Variants in CCDC148 observed in about 807,000 individuals in gnomAD.
CCDC148 encodes coiled-coil domain-containing protein 148.
A neutral mutation model predicts 85.7 loss-of-function variants in CCDC148; 89 were observed. That is an observed-to-expected ratio of 1.04 (90% confidence interval 0.87 to 1.24). The LOEUF is 1.24. CCDC148 is among the 50% of genes most tolerant of loss of function. The pLI is 0.00. For missense variants in CCDC148, 692 were observed against 671.7 expected (o/e 1.03, Z -0.33); for synonymous variants, 230 against 213.9 (o/e 1.08, Z -0.66).
chr2:158,237,325 G>C (rs2105318133), intron 10 of CCDC148, among the ~76,000 whole-genome samples: 1 of 152,246 alleles, frequency 6.6e-6, no homozygotes, highest in African/African-American at 2.4e-5. Context: ...CTGCAGAGCA[G>C]TGACATGATC....
At chr2:158,362,925 C>A (rs1489992583) in intron 1 of CCDC148, among the ~76,000 whole-genome samples, 1 of 151,830 alleles carries the variant, frequency 6.6e-6, no homozygotes, top group Non-Finnish European at 1.5e-5. Context: ...GCTAGCCAGA[C>A]TAATAAAGAA....
chr2:158,269,553 T>C (rs1252116730), intron 9 of CCDC148, among the ~76,000 whole-genome samples: 1 of 152,188 alleles, frequency 6.6e-6, no homozygotes, highest in African/African-American at 2.4e-5. Flanking sequence ...TATACCCTAT[T>C]GGTCAACCCT....
intron 2 of CCDC148, 99 bp from the exon 3 acceptor site, chr2:158,345,417 T>C (rs1249616968): frequency 6.5e-6 from 5 of 768,192 alleles, no homozygotes. Context: ...TTAAATAGTT[T>C]CTCTTTTAAA....
At chr2:158,390,269 C>G (rs1011139907) in intron 1 of CCDC148, among the ~76,000 whole-genome samples, 1 of 152,070 alleles carries the variant, frequency 6.6e-6, no homozygotes, top group East Asian at 1.9e-4. Context: ...AACCAGTCTT[C>G]AGTCAAGACA....
At chr2:158,224,907 C>A (rs4616433) in intron 10 of CCDC148, among the ~76,000 whole-genome samples, 99,042 of 150,992 alleles carry the variant, frequency 0.66, 33,658 homozygotes, top group East Asian at 0.89. Flanking sequence ...AACGAGCAAA[C>A]TAACCAGCTA....
chr2:158,203,244 TTATC>T (rs772366852), intron 11 of CCDC148, among the ~76,000 whole-genome samples: 1 of 151,992 alleles, frequency 6.6e-6, no homozygotes, highest in Non-Finnish European at 1.5e-5. Flanking sequence ...AATCTCATGT[TTATC>T]TGTGCAATAA....
rs80315704 is a variant in CCDC148 at position 158,171,261 on chromosome 2, C to T, written c.*852G>A. ...GGAAATGTCAGGGAGCTGCAATAGA[C>T]AGAAAAAGGAGTGGGGTAATCTTAA... On this transcript the variant is annotated 3_prime_UTR_variant, in exon 14 of 14. Transcript: ENST00000283233. 2.0e-5 allele frequency: 3 copies of T among 151,264 alleles called. No individual in the cohort carries two copies. Among genetic ancestry groups the T allele is most frequent in the South Asian group, 2.1e-4 (1 of 4,818 alleles). The allele number at this position is 151,264 out of a possible 1,614,324, so 9.4% of individuals were successfully genotyped here.
intron 10 of CCDC148, among the ~76,000 whole-genome samples, chr2:158,246,457 G>A (rs1287489601): frequency 6.6e-6 from 1 of 151,996 alleles, no homozygotes; most frequent in Non-Finnish European, 1.5e-5. Context: ...TAGAAATGCT[G>A]GACAAACTAT....
intron 1 of CCDC148, among the ~76,000 whole-genome samples, chr2:158,449,121 C>T (rs911970057): frequency 4.6e-5 from 7 of 151,908 alleles, no homozygotes; most frequent in East Asian, 3.9e-4. Context: ...CCACCGTGCC[C>T]GACCGGAACT....
chr2:158,324,601 A>T (rs1335323397), intron 7 of CCDC148, among the ~76,000 whole-genome samples: 7 of 152,172 alleles, frequency 4.6e-5, no homozygotes, highest in Admixed American at 2.0e-4. Context: ...GATCATATCT[A>T]AAGAGACAAA....
At chr2:158,185,592 A>C (rs1038368747) in intron 11 of CCDC148, among the ~76,000 whole-genome samples, 2 of 152,124 alleles carry the variant, frequency 1.3e-5, no homozygotes, top group Admixed American at 1.3e-4. Context: ...GATACAAACA[A>C]GGACTTCAAT....
At position 158,257,846 on chromosome 2, in the gene CCDC148, A is replaced by G. The variant is rs114485697; in HGVS notation, c.1111-6934T>C. Among the ~76,000 whole-genome samples, 1,304 of 152,020 alleles carry G rather than the reference A, an allele frequency of 8.6e-3. 19 individuals carry two copies. Among genetic ancestry groups the G allele is most frequent in the African/African-American group, 0.03 (1,251 of 41,542 alleles). The stretch of plus-strand genomic sequence containing the variant: ...TAAAACAAAACTTCTAGAGGAAGAA[A>G]CAAACTAAATGCCAATAAGCAGAAA... On this transcript the variant is annotated intron_variant, in intron 9 of 13. Transcript: ENST00000283233.
chr2:158,372,319 G>A (rs1001686850), intron 1 of CCDC148, among the ~76,000 whole-genome samples: 1 of 151,976 alleles, frequency 6.6e-6, no homozygotes, highest in African/African-American at 2.4e-5. Context: ...ACTATGACTG[G>A]GAGTTTTGAG....
At position 158,225,182 on chromosome 2, in the gene CCDC148, C is replaced by A. The variant is rs561538525; in HGVS notation, c.1252-4469G>T. On this transcript the variant is annotated intron_variant, in intron 10 of 13. Coordinates refer to ENST00000283233, the MANE Select transcript of CCDC148 (RefSeq NM_138803.4). ...AGTCTCTGATAAAACAGACTTTAAA[C>A]CAACAAAGATCAAAAGAGACAAAGA... is the stretch of plus-strand genomic sequence containing the variant. Among the ~76,000 whole-genome samples the A allele has an allele frequency of 2.0e-5, 3 of 152,150 alleles. No individual in the cohort carries two copies. In the South Asian group the frequency reaches 6.2e-4, roughly 32 times the overall value.
At chr2:158,397,821 G>A (rs1246808633) in intron 1 of CCDC148, among the ~76,000 whole-genome samples, 3 of 151,984 alleles carry the variant, frequency 2.0e-5, no homozygotes, top group East Asian at 3.9e-4. Context: ...CCCCAATTAA[G>A]AGACACAGAC....
intron 10 of CCDC148, among the ~76,000 whole-genome samples, chr2:158,239,117 G>C (rs1688237259): frequency 6.6e-6 from 1 of 152,134 alleles, no homozygotes; most frequent in South Asian, 2.1e-4. Context: ...AGCAAGTACT[G>C]TTTAGGTATC....
intron 11 of CCDC148, among the ~76,000 whole-genome samples, chr2:158,190,463 C>G (rs74445652): frequency 6.6e-6 from 1 of 151,952 alleles, no homozygotes; most frequent in Non-Finnish European, 1.5e-5. Context: ...AAACACCTAT[C>G]AAGTAGACAA....
chr2:158,302,881 C>T (rs1691510868), intron 9 of CCDC148, among the ~76,000 whole-genome samples: 1 of 151,930 alleles, frequency 6.6e-6, no homozygotes, highest in African/African-American at 2.4e-5. Context: ...AGCTAACAGA[C>T]TGGTTCAGGC....
At chr2:158,411,373 C>G (rs753132721) in intron 1 of CCDC148, among the ~76,000 whole-genome samples, 17 of 152,040 alleles carry the variant, frequency 1.1e-4, no homozygotes, top group Non-Finnish European at 1.8e-4. Context: ...GCTTATTTCA[C>G]TCTTTCTCGT....
Sources: gnomAD v4.1 joint callset for allele counts (sites outside exome capture counted in the v4.1 genomes callset) on GRCh38, gnomAD v4.1.1 for gene constraint, MANE v1.5 for transcripts, NCBI Gene and HGNC (gene_info 2026-07-23, HGNC 2026-07-21) for gene names.